Variants in RAB5A observed in about 807,000 individuals in gnomAD.
RAB5A encodes the protein ras-related protein Rab-5A.
A neutral mutation model predicts 25.7 loss-of-function variants in RAB5A; 8 were observed. The ratio of observed to expected loss-of-function variants is 0.31; its 90% confidence interval spans 0.18 to 0.56. RAB5A has a LOEUF of 0.56. RAB5A is among the 20% of genes least tolerant of loss of function. The pLI is 0.91. For synonymous variants in RAB5A, 98 were observed against 89.8 expected, an observed-to-expected ratio of 1.09 and a Z score of -0.52; for missense variants, 192 against 259.7, an observed-to-expected ratio of 0.74 and a Z score of 1.79.
chr3:19,975,478 A>AT, intron 2 of RAB5A, 123 bp from the exon 3 acceptor site: 2 of 860,788 alleles, frequency 2.3e-6, no homozygotes, highest in Non-Finnish European at 3.4e-6. Context: ...CTGACACATA[A>AT]TAGTTGTACA....
At chr3:19,966,002 G>A (rs573026054) in intron 2 of RAB5A, among the ~76,000 whole-genome samples, 1 of 152,170 alleles carries the variant, frequency 6.6e-6, no homozygotes, top group African/African-American at 2.4e-5. Context: ...TGCTGGGACT[G>A]CAGGTGTGAA....
intron 5 of RAB5A, among the ~76,000 whole-genome samples, chr3:19,979,730 T>C (rs1433082163): frequency 6.6e-6 from 1 of 152,156 alleles, no homozygotes; most frequent in Non-Finnish European, 1.5e-5. Flanking sequence ...CTTTCCTCTT[T>C]CCAGTGGTTT....
intron 5 of RAB5A, among the ~76,000 whole-genome samples, chr3:19,979,584 C>T (rs2125132234): frequency 6.6e-6 from 1 of 152,208 alleles, no homozygotes; most frequent in Non-Finnish European, 1.5e-5. Flanking sequence ...TGCCCCTGGC[C>T]CTAAGGTACT....
chr3:19,974,162 C>CTTTT (rs762397081), intron 2 of RAB5A, among the ~76,000 whole-genome samples: 2 of 141,402 alleles, frequency 1.4e-5, no homozygotes, highest in African/African-American at 5.2e-5. Flanking sequence ...TATAATGCTA[C>CTTTT]TTTTTTTTTT....
At chr3:19,976,444 G>A (rs1696826131) in intron 4 of RAB5A, among the ~76,000 whole-genome samples, 1 of 152,154 alleles carries the variant, frequency 6.6e-6, no homozygotes, top group Non-Finnish European at 1.5e-5. Flanking sequence ...CCAGCACTTT[G>A]GGAGGCCGAG....
chr3:19,966,688 G>A (rs1474042798), intron 2 of RAB5A, among the ~76,000 whole-genome samples: 2 of 152,140 alleles, frequency 1.3e-5, no homozygotes, highest in Non-Finnish European at 2.9e-5. Context: ...TTTTCTCTTG[G>A]TTTGATCATA....
At chr3:19,982,039 C>G (rs1461877613) in intron 5 of RAB5A, among the ~76,000 whole-genome samples, 1 of 151,464 alleles carries the variant, frequency 6.6e-6, no homozygotes, top group Non-Finnish European at 1.5e-5. Context: ...GCCAGGAGTT[C>G]TAGACCAGCC....
intron 2 of RAB5A, among the ~76,000 whole-genome samples, chr3:19,958,117 C>T (rs1266258562): frequency 1.3e-5 from 2 of 152,116 alleles, no homozygotes. Context: ...GATAGAAGAC[C>T]TAGAGACCAA....
intron 2 of RAB5A, among the ~76,000 whole-genome samples, chr3:19,971,832 A>C (rs796633352): frequency 6.6e-6 from 1 of 152,096 alleles, no homozygotes; most frequent in African/African-American, 2.4e-5. Context: ...TTGTGTTACA[A>C]CTTGAGTAGA....
rs1210645757 is a variant in RAB5A, at chr3:19,975,623, A to G, written c.186A>G (p.Val62=). The G allele has an allele frequency of 3.1e-6, 5 of 1,613,224 alleles. No homozygotes were observed. The highest frequency in any genetic ancestry group is 1.7e-5 in the Admixed American group (1 of 59,798). ...CAGCTGCTTTTCTAACCCAAACTGT[A>G]TGTCTTGATGACACTACAGTAAAGT... The part of the protein sequence containing the change: ...TIGAAFLTQT[V]CLDDTTVKFE... The change falls in exon 3 of 6, where the codon GTA becomes GTG. Residue 62 remains valine, a synonymous_variant. Transcript: ENST00000273047.
chr3:19,954,038 G>A (rs908815920), intron 2 of RAB5A, among the ~76,000 whole-genome samples: 1 of 151,780 alleles, frequency 6.6e-6, no homozygotes, highest in African/African-American at 2.4e-5. Context: ...TTTTTGAGAC[G>A]GAATTTCACT....
chr3:19,982,305 A>C (rs13085450), intron 5 of RAB5A, among the ~76,000 whole-genome samples: 109,521 of 152,034 alleles, frequency 0.72, 40,120 homozygotes, highest in Non-Finnish European at 0.77. Context: ...TTGAGTATGT[A>C]TAAATGTATG....
At chr3:19,951,831 T>A (rs1696429271) in intron 2 of RAB5A, among the ~76,000 whole-genome samples, 1 of 151,368 alleles carries the variant, frequency 6.6e-6, no homozygotes, top group Non-Finnish European at 1.5e-5. Context: ...CCTGCTGAGA[T>A]GCATATGTAA....
intron 5 of RAB5A, among the ~76,000 whole-genome samples, chr3:19,979,125 C>T (rs1017116933): frequency 1.3e-5 from 2 of 151,936 alleles, no homozygotes; most frequent in African/African-American, 4.8e-5. Context: ...TACAGGTGCA[C>T]ACCACCACGC....
intron 2 of RAB5A, among the ~76,000 whole-genome samples, chr3:19,969,031 G>GTGTTTTTTTTT (rs1559490064): frequency 1.0e-5 from 1 of 99,702 alleles, no homozygotes; most frequent in Non-Finnish European, 1.9e-5. Context: ...TTTGGTTTTG[G>GTGTTTTTTTTT]TTTTTTTTTT....
At chr3:19,949,922 C>T (rs752531307) in intron 1 of RAB5A, among the ~76,000 whole-genome samples, 8 of 152,100 alleles carry the variant, frequency 5.3e-5, no homozygotes, top group Non-Finnish European at 1.0e-4. Context: ...CCTGTAGTCT[C>T]AGCTACTCAG....
chr3:19,970,283 C>T (rs962418992), intron 2 of RAB5A, among the ~76,000 whole-genome samples: 3 of 152,206 alleles, frequency 2.0e-5, no homozygotes, highest in Admixed American at 2.0e-4. Context: ...ACAGTGTCTT[C>T]CCCTGGCTTA....
chr3:19,956,845 G>T (rs1696509555), intron 2 of RAB5A, among the ~76,000 whole-genome samples: 1 of 151,752 alleles, frequency 6.6e-6, no homozygotes, highest in African/African-American at 2.4e-5. Flanking sequence ...TTTGTTGTTT[G>T]GTCATGACAT....
intron 3 of RAB5A, 34 bp from the exon 4 acceptor site, chr3:19,976,013 G>T: frequency 6.3e-7 from 1 of 1,591,106 alleles, no homozygotes; most frequent in Admixed American, 1.9e-5. Context: ...CATTTTTTGA[G>T]CCTGTGCTCA....
Sources: allele counts gnomAD v4.1 joint callset (sites outside exome capture counted in the v4.1 genomes callset), GRCh38; gene constraint gnomAD v4.1.1; transcripts MANE v1.5; gene names NCBI Gene and HGNC (gene_info 2026-07-23, HGNC 2026-07-21).